The following DNAJC13 variants were observed in gnomAD, a reference collection of about 807,000 sequenced individuals.
DNAJC13 encodes dnaJ homolog subfamily C member 13.
In DNAJC13, 75 loss-of-function variants were observed where a neutral mutation model predicts 290.5. That is an observed-to-expected ratio of 0.26 (90% CI 0.21 to 0.31). The LOEUF (loss-of-function observed/expected upper bound fraction) is 0.31. Ranked by LOEUF, DNAJC13 falls within the 10% of genes least tolerant of loss-of-function variation. The pLI, the probability that DNAJC13 is intolerant of heterozygous loss-of-function variation, is 1.00. For synonymous variants in DNAJC13, 862 were observed against 892.0 expected (o/e 0.97, Z 0.60); for missense variants, 2,260 against 2,674.5 (o/e 0.85, Z 3.42).
chr3:132,434,398 AC>A (rs374752143), intron 1 of DNAJC13, 139 bp from the exon 2 acceptor site: 371 of 499,470 alleles, frequency 7.4e-4, no homozygotes, highest in Non-Finnish European at 1.0e-3. Flanking sequence ...AAAAAAAAAA[AC>A]AAAACCTTAT....
chr3:132,463,457 C>A (rs1307886760), intron 16 of DNAJC13, among the ~76,000 whole-genome samples: 1 of 152,102 alleles, frequency 6.6e-6, no homozygotes, highest in African/African-American at 2.4e-5. Context: ...TTAAGTTTAG[C>A]AAAGCATAGT....
At chr3:132,426,388 C>T (rs1326576045) in intron 1 of DNAJC13, among the ~76,000 whole-genome samples, 1 of 152,160 alleles carries the variant, frequency 6.6e-6, no homozygotes, top group Non-Finnish European at 1.5e-5. Flanking sequence ...ATATGGAACA[C>T]AATTGCAGGA....
At position 132,457,325 on chromosome 3, in the gene DNAJC13, G is replaced by A; in HGVS notation, c.1406G>A (p.Gly469Glu). ...AAAGCACTCAAAAGAAGCAACAACG[G>A]AATAATCCATGCAGCAGTTGATATG... ...VVKALKRSNN[G>E]IIHAAVDMLC... Residue 469 changes from glycine (G) to glutamate (E), a missense_variant, in exon 13 of 56, where the codon GGA becomes GAA. Physicochemically the swap from Gly to Glu is moderately conservative, Grantham distance 98 (BLOSUM62 -2). This residue lies in a region of DNAJC13 where 762 missense variants were observed against 964.1 expected (regional missense o/e 0.79). Transcript: ENST00000260818. The A allele has an allele frequency of 6.2e-7, 1 of 1,613,640 alleles. No individual in the cohort carries two copies. The highest frequency in any genetic ancestry group is 8.5e-7 in the Non-Finnish European group (1 of 1,179,702).
chr3:132,538,327 C>T lies in DNAJC13; in HGVS notation c.*45C>T. 1 of 1,479,704 alleles carries T rather than the reference C, an allele frequency of 6.8e-7. No homozygotes were observed. 91.7% of individuals were successfully genotyped at this position (1,479,704 alleles called of 1,614,324 possible). The stretch of plus-strand genomic sequence containing the variant: ...AAACGCTGAAAGGCCAGTGCCAAGT[C>T]CACATTCCTCCAGCTGATACGTTGA... On this transcript the variant is annotated 3_prime_UTR_variant, in exon 56 of 56. Transcript: ENST00000260818.
At position 132,525,793 on chromosome 3, in the gene DNAJC13, T is replaced by C. The variant is rs187601589; in HGVS notation, c.6240+4T>C. Reference sequence around the variant, plus strand: ...CCATGCCTTGTCTGAAAATGAGGTATTGATGAATACACTTAGTAGTTTATA... The same window carrying C: ...CCATGCCTTGTCTGAAAATGAGGTACTGATGAATACACTTAGTAGTTTATA... On this transcript the variant is annotated splice_donor_region_variant and intron_variant, in intron 52 of 55. Transcript: ENST00000260818. The C allele has an allele frequency of 9.9e-4, 1,601 of 1,613,614 alleles. 11 individuals are homozygous for C. Among genetic ancestry groups the C allele is most frequent in the African/African-American group, 9.1e-3 (685 of 75,050 alleles).
chr3:132,508,166 G>C (rs1297212886), intron 43 of DNAJC13, among the ~76,000 whole-genome samples: 1 of 152,186 alleles, frequency 6.6e-6, no homozygotes, highest in East Asian at 1.9e-4. Context: ...TCAATTCTGT[G>C]AAGGCTGAGA....
intron 29 of DNAJC13, 85 bp from the exon 30 acceptor site, chr3:132,488,213 A>C: frequency 3.6e-4 from 447 of 1,253,858 alleles, no homozygotes; most frequent in Non-Finnish European, 4.4e-4. Context: ...ATAAGGAGCT[A>C]TAACCTCAGC....
At chr3:132,518,458 TCCTCCCATCTCAG>T (rs1299481017) in intron 48 of DNAJC13, among the ~76,000 whole-genome samples, 1 of 152,094 alleles carries the variant, frequency 6.6e-6, no homozygotes, top group African/African-American at 2.4e-5. Context: ...ACTCAAGCCA[TCCTCCCATCTCAG>T]CCTCCCAAGT....
chr3:132,442,199 C>T (rs1418302476), intron 2 of DNAJC13, among the ~76,000 whole-genome samples: 1 of 151,322 alleles, frequency 6.6e-6, no homozygotes, highest in Non-Finnish European at 1.5e-5. Flanking sequence ...AACATGGGGT[C>T]TGCCATCTTG....
At chr3:132,518,022 G>A (rs1240965983) in intron 48 of DNAJC13, among the ~76,000 whole-genome samples, 1 of 152,050 alleles carries the variant, frequency 6.6e-6, no homozygotes, top group East Asian at 1.9e-4. Context: ...GCACATAACT[G>A]TAATATCTAA....
intron 47 of DNAJC13, 50 bp from the exon 48 acceptor site, chr3:132,516,654 T>G (rs375682283): frequency 1.3e-6 from 2 of 1,558,650 alleles, no homozygotes; most frequent in Non-Finnish European, 1.7e-6. Flanking sequence ...TGAATTCTGA[T>G]TAGAAAAGTC....
chr3:132,471,273 A>C (rs1471221401), intron 20 of DNAJC13, among the ~76,000 whole-genome samples: 4 of 109,256 alleles, frequency 3.7e-5, no homozygotes, highest in Non-Finnish European at 5.6e-5. Context: ...CCCGGATGGC[A>C]CGGCTGGCCG....
chr3:132,528,468 G>A lies in DNAJC13; in HGVS notation c.6525+136G>A, dbSNP rs1033916628. 3 of 1,036,112 alleles carry A rather than the reference G, an allele frequency of 2.9e-6. No homozygotes were observed. In the African/African-American group the frequency reaches 4.8e-5, roughly 17 times the overall value. The allele number at this position is 1,036,112 out of a possible 1,614,324, so 64.2% of individuals were successfully genotyped here. A position where few individuals can be genotyped will look rare whatever the true frequency, so the allele number is the denominator to read the frequency against. The stretch of plus-strand genomic sequence containing the variant: ...TAACTGGAGAAGATCCAGAGCCCAA[G>A]GATGGACTTGCATACCTGCCTCATA... On this transcript the variant is annotated intron_variant, in intron 54 of 55. Transcript: ENST00000260818.
intron 32 of DNAJC13, 87 bp downstream of exon 32, chr3:132,491,138 G>C: frequency 1.8e-6 from 2 of 1,126,786 alleles, no homozygotes; most frequent in South Asian, 3.6e-5. Flanking sequence ...TAAAAGAAAT[G>C]TTTTCACTAG....
intron 1 of DNAJC13, among the ~76,000 whole-genome samples, chr3:132,423,682 G>T (rs1401647558): frequency 6.6e-6 from 1 of 152,194 alleles, no homozygotes; most frequent in Non-Finnish European, 1.5e-5. Context: ...AACTAAACTA[G>T]AAATGTATGT....
chr3:132,422,183 G>T (rs1232756511), intron 1 of DNAJC13, among the ~76,000 whole-genome samples: 1 of 151,480 alleles, frequency 6.6e-6, no homozygotes, highest in Non-Finnish European at 1.5e-5. Flanking sequence ...GGCACGCCAT[G>T]CCCAGCTAAC....
At chr3:132,504,635 CCT>C (rs1356017740) in intron 41 of DNAJC13, among the ~76,000 whole-genome samples, 2 of 152,120 alleles carry the variant, frequency 1.3e-5, no homozygotes, top group Non-Finnish European at 2.9e-5. Flanking sequence ...AGGTCATAGT[CCT>C]CTGTTTTCCT....
chr3:132,443,286 G>A (rs6798222), intron 2 of DNAJC13, among the ~76,000 whole-genome samples: 15,846 of 152,068 alleles, frequency 0.1, 1,366 homozygotes, highest in East Asian at 0.5. Flanking sequence ...CTGAGTAGCC[G>A]GGATTACAGG....
intron 1 of DNAJC13, among the ~76,000 whole-genome samples, chr3:132,421,563 CTGGG>C (rs1938960171): frequency 6.6e-6 from 1 of 151,528 alleles, no homozygotes; most frequent in South Asian, 2.1e-4. Context: ...TCCTGAGTAG[CTGGG>C]ACTACAGGCG....
Sources: allele counts gnomAD v4.1 joint callset (sites outside exome capture counted in the v4.1 genomes callset), GRCh38; gene constraint gnomAD v4.1.1; regional missense constraint gnomAD v4.1.1; transcripts MANE v1.5; gene names NCBI Gene and HGNC (gene_info 2026-07-23, HGNC 2026-07-21).